SLC1A3: variants seen among roughly 807,000 people sequenced by gnomAD.
SLC1A3 encodes the protein solute carrier family 1 member 3, also known as excitatory amino acid transporter 1.
In SLC1A3, 21 loss-of-function variants were observed where a neutral mutation model predicts 48.1. That is an observed-to-expected ratio of 0.44 (90% CI 0.31 to 0.63). The LOEUF (loss-of-function observed/expected upper bound fraction) is 0.63, where lower values mean the gene tolerates loss of function less well. Ranked by LOEUF, SLC1A3 falls within the 20% of genes least tolerant of loss-of-function variation. The probability of loss-of-function intolerance (pLI) is 0.08; values close to 1 mark genes in which losing one functional copy is unlikely to be tolerated. For synonymous variants in SLC1A3, 239 were observed against 251.4 expected (o/e 0.95, Z 0.47); for missense variants, 546 against 689.0 (o/e 0.79, Z 2.32).
chr5:36,658,535 G>C (rs1486857651), intron 3 of SLC1A3, among the ~76,000 whole-genome samples: 1 of 152,164 alleles, frequency 6.6e-6, no homozygotes, highest in Non-Finnish European at 1.5e-5. Flanking sequence ...CTTGCTTTGG[G>C]TTCCTCCAGA....
intron 2 of SLC1A3, among the ~76,000 whole-genome samples, chr5:36,622,670 G>C (rs563027005): frequency 6.6e-6 from 1 of 152,104 alleles, no homozygotes; most frequent in African/African-American, 2.4e-5. Context: ...CAGTGTGCAC[G>C]TTGTGTCTTA....
chr5:36,629,591 C>T lies in SLC1A3; in HGVS notation c.319+4C>T, dbSNP rs1740055456. ...ATCATCTCCAGTCTTGTCACAGGTA[C>T]CATAAGCAGTTGTTGGTTTGTTTGG... On this transcript the variant is annotated splice_donor_region_variant and intron_variant, in intron 3 of 9. Coordinates refer to ENST00000265113, the MANE Select transcript of SLC1A3 (RefSeq NM_004172.5). 1.2e-6 allele frequency: 2 copies of T among 1,611,976 alleles called. No individual in the cohort carries two copies. The highest frequency in any genetic ancestry group is 2.2e-5 in the East Asian group (1 of 44,820).
intron 3 of SLC1A3, among the ~76,000 whole-genome samples, chr5:36,652,953 T>C (rs1741143089): frequency 6.6e-6 from 1 of 152,368 alleles, no homozygotes; most frequent in Admixed American, 6.5e-5. Context: ...AATGCAGGTC[T>C]AGCTTCATAA....
chr5:36,605,882 C>G (rs1028700558), upstream of SLC1A3, among the ~76,000 whole-genome samples: 14 of 152,192 alleles, frequency 9.2e-5, no homozygotes, highest in African/African-American at 3.1e-4. Flanking sequence ...GACATCTGAA[C>G]AGCAACCTAT....
Position 36,659,992 on chromosome 5 carries a change from C to G in SLC1A3, c.320-11037C>G, listed in dbSNP as rs1052741357. On this transcript the variant is annotated intron_variant, in intron 3 of 9. Transcript: ENST00000265113. ...TCATTTAAAAATCATTGTTTTGTAC[C>G]TGGCTTCTCTTTACCTTATGTATAG... Among the ~76,000 whole-genome samples the G allele has an allele frequency of 5.3e-5, 8 of 152,260 alleles. No individual in the cohort carries two copies. In the East Asian group the frequency reaches 1.5e-3, roughly 29 times the overall value.
upstream of SLC1A3, among the ~76,000 whole-genome samples, chr5:36,604,339 GA>G (rs5867330): frequency 6.7e-6 from 1 of 150,284 alleles, no homozygotes; most frequent in Non-Finnish European, 1.5e-5. Context: ...TTTCTAGAAG[GA>G]AAAAAAAAGA....
intron 1 of SLC1A3, among the ~76,000 whole-genome samples, chr5:36,600,548 C>T (rs1738796196): frequency 6.6e-6 from 1 of 152,190 alleles, no homozygotes. Context: ...ACTAGTCATC[C>T]TGCGTTAATT....
intron 9 of SLC1A3, among the ~76,000 whole-genome samples, chr5:36,685,577 C>T (rs1381226497): frequency 1.3e-5 from 2 of 152,130 alleles, no homozygotes; most frequent in Non-Finnish European, 2.9e-5. Flanking sequence ...TGCCCGGCCT[C>T]GACCCCAATA....
intron 3 of SLC1A3, among the ~76,000 whole-genome samples, chr5:36,634,609 C>T (rs975249477): frequency 1.1e-4 from 17 of 151,998 alleles, no homozygotes; most frequent in Admixed American, 4.6e-4. Flanking sequence ...CCTTAGAAAA[C>T]TCTAACAATA....
At chr5:36,612,604 A>ATAAT (rs1272020959) in intron 2 of SLC1A3, 2 of 153,066 alleles carry the variant, frequency 1.3e-5, no homozygotes, top group African/African-American at 5.0e-5. Flanking sequence ...AAGAAAAAAA[A>ATAAT]AATAATAATA....
Position 36,688,052 on chromosome 5 carries a change from A to G in SLC1A3, c.*1783A>G, listed in dbSNP as rs1480468518. ...AACATTAGGCTGTGGTGCAGTAACC[A>G]TTTAATGTCGAGGCTCTATTTCGGA... On this transcript the variant is annotated 3_prime_UTR_variant, in exon 10 of 10. Coordinates refer to ENST00000265113, the MANE Select transcript of SLC1A3 (RefSeq NM_004172.5). 1 of 152,268 alleles carries G rather than the reference A, an allele frequency of 6.6e-6. No homozygotes were observed. Among genetic ancestry groups the G allele is most frequent in the Non-Finnish European group, 1.5e-5 (1 of 68,052 alleles). 9.4% of individuals were successfully genotyped at this position (152,268 alleles called of 1,614,324 possible).
At chr5:36,658,374 C>A (rs1395904849) in intron 3 of SLC1A3, among the ~76,000 whole-genome samples, 1 of 151,868 alleles carries the variant, frequency 6.6e-6, no homozygotes, top group Non-Finnish European at 1.5e-5. Context: ...TGGGCCAGAG[C>A]GTGAGGACAT....
intron 2 of SLC1A3, among the ~76,000 whole-genome samples, chr5:36,625,620 C>T (rs1305440243): frequency 6.6e-6 from 1 of 152,058 alleles, no homozygotes; most frequent in Non-Finnish European, 1.5e-5. Context: ...ACCTGGTAAA[C>T]CCAGAAATAG....
intron 1 of SLC1A3, among the ~76,000 whole-genome samples, chr5:36,598,839 G>A (rs1738773140): frequency 6.6e-6 from 1 of 151,960 alleles, no homozygotes; most frequent in South Asian, 2.1e-4. Flanking sequence ...TGTTGCCCTG[G>A]CTGATCTCAA....
At chr5:36,632,807 T>C (rs973600843) in intron 3 of SLC1A3, among the ~76,000 whole-genome samples, 1 of 152,234 alleles carries the variant, frequency 6.6e-6, no homozygotes, top group African/African-American at 2.4e-5. Context: ...GTTATATTTT[T>C]TACTTGAAAC....
intron 5 of SLC1A3, among the ~76,000 whole-genome samples, chr5:36,675,179 G>T (rs1742155277): frequency 6.6e-6 from 1 of 150,872 alleles, no homozygotes; most frequent in Non-Finnish European, 1.5e-5. Context: ...TTTTCCCCTT[G>T]TAATAATTTT....
chr5:36,621,398 G>T (rs1338946610), intron 2 of SLC1A3, among the ~76,000 whole-genome samples: 4 of 152,150 alleles, frequency 2.6e-5, no homozygotes, highest in Admixed American at 2.6e-4. Context: ...GGATCTAGGG[G>T]GGCTTGCCAG....
chr5:36,608,766 G>C, intron 2 of SLC1A3, 162 bp downstream of exon 2: 3 of 1,447,646 alleles, frequency 2.1e-6, no homozygotes, highest in Non-Finnish European at 1.8e-6. Flanking sequence ...GACTGTTTTG[G>C]CTTGTTTGGA....
chr5:36,635,087 T>C (rs921008713), intron 3 of SLC1A3, among the ~76,000 whole-genome samples: 5 of 152,124 alleles, frequency 3.3e-5, no homozygotes, highest in South Asian at 2.1e-4. Flanking sequence ...TGAGGCCTGT[T>C]TGAATACTCT....
Sources: allele counts gnomAD v4.1 joint callset (sites outside exome capture counted in the v4.1 genomes callset), GRCh38; gene constraint gnomAD v4.1.1; transcripts MANE v1.5; gene names NCBI Gene and HGNC (gene_info 2026-07-23, HGNC 2026-07-21).